GTF2H5: variants seen among roughly 807,000 people sequenced by gnomAD.
GTF2H5 encodes general transcription factor IIH subunit 5, also known as TFB5 ortholog.
GTF2H5 carries 5 observed loss-of-function variants against 7.1 expected under a neutral mutation model. The observed-to-expected ratio is 0.71, with a 90% CI of 0.37 to 1.49. The LOEUF (loss-of-function observed/expected upper bound fraction) is 1.49. Among genes scored for constraint, GTF2H5 ranks in the 40% most tolerant of loss-of-function variants. The pLI is 0.03. For synonymous variants in GTF2H5, 30 were observed against 31.7 expected (o/e 0.95, Z 0.18); for missense variants, 80 against 83.0 (o/e 0.96, Z 0.14).
intron 2 of GTF2H5, among the ~76,000 whole-genome samples, chr6:158,175,044 G>GTATATATATGTGTGTGTGTGTGTGTA (rs1554267664): frequency 1.1e-4 from 15 of 142,852 alleles, no homozygotes; most frequent in Admixed American, 3.6e-4. Flanking sequence ...GTGTGTGTGT[G>GTATATATATGTGTGTGTGTGTGTGTA]TATACACACA....
At chr6:158,177,813 A>C (rs994410622) in intron 2 of GTF2H5, among the ~76,000 whole-genome samples, 6 of 152,170 alleles carry the variant, frequency 3.9e-5, no homozygotes, top group African/African-American at 1.4e-4. Context: ...GAGCGAGAAC[A>C]TGCAGTGTTT....
chr6:158,180,516 G>A (rs1785995937), intron 2 of GTF2H5, among the ~76,000 whole-genome samples: 1 of 152,072 alleles, frequency 6.6e-6, no homozygotes, highest in Non-Finnish European at 1.5e-5. Context: ...TTTTTTGGTT[G>A]GTAGGCTATT....
chr6:158,169,445 A>T (rs1251550921), intron 1 of GTF2H5, among the ~76,000 whole-genome samples: 1 of 68,590 alleles, frequency 1.5e-5, no homozygotes, highest in Non-Finnish European at 2.4e-5. Context: ...TATTATATAT[A>T]TTATATATTA....
chr6:158,189,791 A>G (rs1042524672), intron 2 of GTF2H5, among the ~76,000 whole-genome samples: 4 of 152,192 alleles, frequency 2.6e-5, no homozygotes, highest in African/African-American at 9.7e-5. Flanking sequence ...CTTTCCTCCC[A>G]TATGAAACCC....
At chr6:158,168,600 G>A (rs1785677762) in intron 1 of GTF2H5, among the ~76,000 whole-genome samples, 1 of 152,212 alleles carries the variant, frequency 6.6e-6, no homozygotes, top group Non-Finnish European at 1.5e-5. Flanking sequence ...GGTTTCCTGT[G>A]GGGCTAGGGC....
At position 158,192,680 on chromosome 6, in the gene GTF2H5, A is replaced by G. The variant is rs1304448192; in HGVS notation, c.*523A>G. The stretch of plus-strand genomic sequence containing the variant: ...GTTTGCATTTCCCTGAAAACAGAAT[A>G]TTGTTTTTAAGAGGGTTAGAAACAA... On this transcript the variant is annotated 3_prime_UTR_variant, in exon 3 of 3. Transcript: ENST00000607778. The G allele has an allele frequency of 1.2e-5, 2 of 160,074 alleles. No homozygotes were observed. Among genetic ancestry groups the G allele is most frequent in the African/African-American group, 4.8e-5 (2 of 41,446 alleles). 9.9% of individuals were successfully genotyped at this position (160,074 alleles called of 1,614,324 possible). A position where few individuals can be genotyped will look rare whatever the true frequency, so the allele number is the denominator to read the frequency against.
At chr6:158,168,624 A>G (rs575387793) in intron 1 of GTF2H5, among the ~76,000 whole-genome samples, 2 of 152,234 alleles carry the variant, frequency 1.3e-5, no homozygotes, top group South Asian at 4.1e-4. Context: ...CCCTGCGCCC[A>G]GGTGTAAGTG....
intron 2 of GTF2H5, among the ~76,000 whole-genome samples, chr6:158,178,456 CAAAAAA>C (rs34745319): frequency 1.1e-5 from 1 of 88,514 alleles, no homozygotes. Context: ...GACTCCATCT[CAAAAAA>C]AAAAAAAAAA....
In GTF2H5 at chr6:158,194,644, C is replaced by T. The variant is rs1036354702; in HGVS notation, c.*2487C>T. 2 of 152,118 alleles carry T rather than the reference C, an allele frequency of 1.3e-5. No homozygotes were observed. The highest frequency in any genetic ancestry group is 2.9e-5 in the Non-Finnish European group (2 of 68,034). 9.4% of individuals were successfully genotyped at this position (152,118 alleles called of 1,614,324 possible). ...GACTCTTTGATATGTTGAGAGTCAGCTTACACAAGTTAACTCCTTGAGGAA... is the reference window on the plus strand; with the variant it reads ...GACTCTTTGATATGTTGAGAGTCAGTTTACACAAGTTAACTCCTTGAGGAA... On this transcript the variant is annotated 3_prime_UTR_variant, in exon 3 of 3. Transcript: ENST00000607778.
intron 1 of GTF2H5, among the ~76,000 whole-genome samples, chr6:158,169,733 G>GTATATTA (rs1562469360): frequency 2.2e-4 from 16 of 72,268 alleles, no homozygotes; most frequent in Non-Finnish European, 2.4e-5. Context: ...ATAATATATT[G>GTATATTA]TATATTATAT....
rs1562476927 is a variant in GTF2H5 at position 158,192,081 on chromosome 6, C to T, written c.140C>T (p.Ala47Val). ...DIDDTHVFVI[A>V]ELVNVLQERV... ...GATGACACTCACGTCTTTGTAATAGCAGAATTGGTTAATGTCCTCCAGGAG... is the reference window on the plus strand; with the variant it reads ...GATGACACTCACGTCTTTGTAATAGTAGAATTGGTTAATGTCCTCCAGGAG... Residue 47 changes from alanine (A) to valine (V), a missense_variant, in exon 3 of 3, where the codon GCA becomes GTA. Physicochemically the swap from Ala to Val is moderately conservative, Grantham distance 64. Transcript: ENST00000607778. 6.2e-7 allele frequency: 1 copy of T among 1,613,458 alleles called. No individual in the cohort carries two copies. Among genetic ancestry groups the T allele is most frequent in the South Asian group, 1.1e-5 (1 of 91,068 alleles).
intron 2 of GTF2H5, 54 bp from the exon 3 acceptor site, chr6:158,191,923 C>G: frequency 7.2e-7 from 1 of 1,383,018 alleles, no homozygotes; most frequent in Non-Finnish European, 1.0e-6. Context: ...GCTCAAGTCT[C>G]TGTGATGTGA....
chr6:158,192,301 C>A lies in GTF2H5; in HGVS notation c.*144C>A. The A allele has an allele frequency of 1.4e-5, 9 of 640,962 alleles. No individual in the cohort carries two copies. The highest frequency in any genetic ancestry group is 2.2e-5 in the Non-Finnish European group (8 of 363,498). The allele number at this position is 640,962 out of a possible 1,614,324, so 39.7% of individuals were successfully genotyped here. A position where few individuals can be genotyped will look rare whatever the true frequency, so the allele number is the denominator to read the frequency against. On this transcript the variant is annotated 3_prime_UTR_variant, in exon 3 of 3. Transcript: ENST00000607778. Reference sequence around the variant, plus strand: ...GACTGAGGGATCATGATCATTTGTTCAGAAAAAAAGCCCCTGAACTGATTT... The same window carrying A: ...GACTGAGGGATCATGATCATTTGTTAAGAAAAAAAGCCCCTGAACTGATTT...
chr6:158,196,567 T>G lies in GTF2H5; in HGVS notation c.*4410T>G, dbSNP rs927004807. ...AAAATAAACTCATCATTATAACATG[T>G]CTGAACAGGATCTAGTTTGAGGCAC... On this transcript the variant is annotated 3_prime_UTR_variant, in exon 3 of 3. Transcript: ENST00000607778. 6.6e-6 allele frequency: 1 copy of G among 152,238 alleles called. No individual in the cohort carries two copies. The highest frequency in any genetic ancestry group is 2.4e-5 in the African/African-American group (1 of 41,470). 9.4% of individuals were successfully genotyped at this position (152,238 alleles called of 1,614,324 possible).
At chr6:158,169,577 T>G (rs1326871849) in intron 1 of GTF2H5, among the ~76,000 whole-genome samples, 1,518 of 95,236 alleles carry the variant, frequency 0.016, 111 homozygotes, top group Non-Finnish European at 0.023. Flanking sequence ...ATATTGTATA[T>G]TATATATAAT....
In GTF2H5 at chr6:158,193,297, A is replaced by T. The variant is rs978233914; in HGVS notation, c.*1140A>T. 1 of 152,100 alleles carries T rather than the reference A, an allele frequency of 6.6e-6. No individual in the cohort carries two copies. Among genetic ancestry groups the T allele is most frequent in the African/African-American group, 2.4e-5 (1 of 41,376 alleles). The allele number at this position is 152,100 out of a possible 1,614,324, so 9.4% of individuals were successfully genotyped here. A position where few individuals can be genotyped will look rare whatever the true frequency, so the allele number is the denominator to read the frequency against. On this transcript the variant is annotated 3_prime_UTR_variant, in exon 3 of 3. Coordinates refer to ENST00000607778, the MANE Select transcript of GTF2H5 (RefSeq NM_207118.3). ...ACCCTGTCTCCAAAAAAAAAAGTGT[A>T]TATGTATGTGTGTATATATAGCAAG...
intron 1 of GTF2H5, among the ~76,000 whole-genome samples, chr6:158,169,497 A>ATC (rs1329460440): frequency 1.2e-5 from 1 of 86,038 alleles, no homozygotes; most frequent in Non-Finnish European, 2.0e-5. Context: ...ATTGTATATT[A>ATC]TATAATATAT....
At position 158,192,027 on chromosome 6, in the gene GTF2H5, T is replaced by C. The variant is rs1302956144; in HGVS notation, c.86T>C (p.Leu29Pro). The change falls in exon 3 of 3, where the codon CTG becomes CCG. Residue 29 changes from leucine to proline, a missense_variant. By Grantham distance (98) the Leu-to-Pro change is moderately conservative (BLOSUM62 -3). Transcript: ENST00000607778. ...FLLYLDESNA[L>P]GKKFIIQDID... The stretch of plus-strand genomic sequence containing the variant: ...CTGTACTTGGATGAGTCCAATGCCC[T>C]GGGGAAGAAGTTCATCATTCAAGAC... The C allele has an allele frequency of 6.2e-7, 1 of 1,614,048 alleles. No homozygotes were observed. The highest frequency in any genetic ancestry group is 1.7e-5 in the Admixed American group (1 of 60,032).
chr6:158,191,749 T>C (rs1386799686), intron 2 of GTF2H5, among the ~76,000 whole-genome samples: 1 of 152,232 alleles, frequency 6.6e-6, no homozygotes, highest in Non-Finnish European at 1.5e-5. Flanking sequence ...CCCAAAGTGC[T>C]GGGATCACAG....
Sources: gnomAD v4.1 joint callset for allele counts (sites outside exome capture counted in the v4.1 genomes callset) on GRCh38, gnomAD v4.1.1 for gene constraint, MANE v1.5 for transcripts, NCBI Gene and HGNC (gene_info 2026-07-23, HGNC 2026-07-21) for gene names.